The following RBFOX1 variants were observed in gnomAD, a reference collection of about 807,000 sequenced individuals.
RBFOX1 encodes the protein RNA binding fox-1 homolog 1.
Under a neutral mutation model 57.7 loss-of-function variants are expected in RBFOX1, and 8 were observed. The observed-to-expected ratio is 0.14, with a 90% CI of 0.08 to 0.25. The LOEUF is 0.25. RBFOX1 is among the 10% of genes least tolerant of loss of function. The probability of loss-of-function intolerance (pLI) is 1.00; values close to 1 mark genes in which losing one functional copy is unlikely to be tolerated. For synonymous variants in RBFOX1, 326 were observed against 222.4 expected, an observed-to-expected ratio of 1.47 and a Z score of -4.15; for missense variants, 611 against 548.5, an observed-to-expected ratio of 1.11 and a Z score of -1.14.
intron 1 of RBFOX1, among the ~76,000 whole-genome samples, chr16:6,051,222 A>T (rs1266298795): frequency 6.6e-6 from 1 of 151,756 alleles, no homozygotes. Flanking sequence ...ATCTTAAAAG[A>T]GTCTTATCAT....
At chr16:6,566,126 A>G (rs556484932) in intron 2 of RBFOX1, among the ~76,000 whole-genome samples, 1 of 152,330 alleles carries the variant, frequency 6.6e-6, no homozygotes, top group East Asian at 1.9e-4. Flanking sequence ...GTTCAAATTT[A>G]TTAGCTAAAA....
chr16:7,402,051 A>G (rs1402107977), intron 4 of RBFOX1, among the ~76,000 whole-genome samples: 1 of 152,186 alleles, frequency 6.6e-6, no homozygotes, highest in Admixed American at 6.5e-5. Context: ...GTATATTTTA[A>G]TGATGCAGAG....
intron 4 of RBFOX1, among the ~76,000 whole-genome samples, chr16:7,451,411 T>A (rs562123934): frequency 6.6e-6 from 1 of 152,272 alleles, no homozygotes; most frequent in East Asian, 1.9e-4. Context: ...CCTGGCAGGT[T>A]GAGGCAATAG....
intron 4 of RBFOX1, among the ~76,000 whole-genome samples, chr16:7,110,389 G>A (rs540699257): frequency 3.6e-4 from 43 of 119,128 alleles, no homozygotes; most frequent in Middle Eastern, 4.4e-3. Flanking sequence ...CCACTTTACA[G>A]TTGACTACAT....
At chr16:5,240,788 G>A (rs1301129547) in intron 1 of RBFOX1, among the ~76,000 whole-genome samples, 2 of 152,162 alleles carry the variant, frequency 1.3e-5, no homozygotes, top group Non-Finnish European at 2.9e-5. Flanking sequence ...CCGGGCCCGT[G>A]TGCGTGGGAT....
intron 2 of RBFOX1, among the ~76,000 whole-genome samples, chr16:5,473,018 C>T (rs1343385544): frequency 6.6e-6 from 1 of 152,182 alleles, no homozygotes; most frequent in African/African-American, 2.4e-5. Flanking sequence ...TCTGACATTG[C>T]CTCTGCCCCT....
intron 14 of RBFOX1, among the ~76,000 whole-genome samples, chr16:7,706,402 G>A (rs151002640): frequency 1.0e-3 from 159 of 152,280 alleles, no homozygotes; most frequent in African/African-American, 3.8e-3. Flanking sequence ...CTGCCAAATT[G>A]TTACCTTGGG....
At chr16:7,657,680 G>T (rs1403664392) in intron 12 of RBFOX1, among the ~76,000 whole-genome samples, 2 of 152,206 alleles carry the variant, frequency 1.3e-5, no homozygotes, top group Non-Finnish European at 2.9e-5. Flanking sequence ...CCATGCAGCT[G>T]AAGAACATCG....
chr16:7,508,630 C>T (rs190543815), intron 4 of RBFOX1, among the ~76,000 whole-genome samples: 200 of 152,232 alleles, frequency 1.3e-3, no homozygotes, highest in African/African-American at 4.7e-3. Context: ...AACGTAAGGA[C>T]GGGCACAAAT....
chr16:7,261,643 C>G (rs2094924083), intron 4 of RBFOX1, among the ~76,000 whole-genome samples: 1 of 152,182 alleles, frequency 6.6e-6, no homozygotes. Flanking sequence ...TGTAGGCTCT[C>G]TCCACTCACC....
chr16:7,103,704 G>A (rs187545241), intron 4 of RBFOX1, among the ~76,000 whole-genome samples: 19 of 152,204 alleles, frequency 1.2e-4, no homozygotes, highest in South Asian at 4.1e-4. Flanking sequence ...AAATAATAAC[G>A]AATATGCCTC....
intron 1 of RBFOX1, among the ~76,000 whole-genome samples, chr16:5,256,620 C>T (rs1448624096): frequency 2.0e-5 from 3 of 152,060 alleles, no homozygotes; most frequent in Non-Finnish European, 4.4e-5. Flanking sequence ...CATACTGGAC[C>T]TCGAAGCTTT....
intron 3 of RBFOX1, among the ~76,000 whole-genome samples, chr16:6,685,442 ATTTTTTT>A (rs71145275): frequency 8.0e-6 from 1 of 125,672 alleles, no homozygotes; most frequent in African/African-American, 2.9e-5. Flanking sequence ...TACCCAGCTA[ATTTTTTT>A]TTTTTTTTTT....
chr16:6,117,248 G>A (rs539458821), intron 1 of RBFOX1, among the ~76,000 whole-genome samples: 1 of 152,032 alleles, frequency 6.6e-6, no homozygotes, highest in African/African-American at 2.4e-5. Context: ...AAATTCCTAG[G>A]AATTTGTGGA....
intron 3 of RBFOX1, among the ~76,000 whole-genome samples, chr16:6,955,170 C>A (rs892240009): frequency 6.6e-6 from 1 of 151,828 alleles, no homozygotes; most frequent in Non-Finnish European, 1.5e-5. Context: ...GAGCCTGGGA[C>A]TGAGATGTTT....
chr16:5,549,212 G>A (rs2045355977), intron 2 of RBFOX1, among the ~76,000 whole-genome samples: 1 of 152,162 alleles, frequency 6.6e-6, no homozygotes, highest in African/African-American at 2.4e-5. Context: ...TTGAGAAGGA[G>A]CTGAAATGCG....
intron 4 of RBFOX1, among the ~76,000 whole-genome samples, chr16:7,393,454 A>G (rs1332105076): frequency 6.6e-6 from 1 of 152,114 alleles, no homozygotes; most frequent in African/African-American, 2.4e-5. Flanking sequence ...CACTTTTTAT[A>G]TAGTTTCTAT....
At position 7,152,231 on chromosome 16, in the gene RBFOX1, C is replaced by T. The variant is rs187154263; in HGVS notation, c.27+100133C>T. ...TCCAGTCTATACCATGCGTCCATAGCGGTAGCACAAGTAGGCTGTGCATAG... is the reference window on the plus strand; with the variant it reads ...TCCAGTCTATACCATGCGTCCATAGTGGTAGCACAAGTAGGCTGTGCATAG... On this transcript the variant is annotated intron_variant, in intron 4 of 15. Coordinates refer to ENST00000550418, the MANE Select transcript of RBFOX1 (RefSeq NM_018723.4). Among the ~76,000 whole-genome samples, 28 of 152,234 alleles carry T rather than the reference C, an allele frequency of 1.8e-4. 1 individual carries two copies. Among genetic ancestry groups the T allele is most frequent in the East Asian group, 1.4e-3 (7 of 5,176 alleles).
rs185258175 is a variant in RBFOX1, at chr16:5,850,580, T to C, written c.319-16723T>C. 8.5e-3 allele frequency among the ~76,000 whole-genome samples: 1,293 copies of C among 152,308 alleles called. 15 individuals carry two copies. The highest frequency in any genetic ancestry group is 0.029 in the African/African-American group (1,209 of 41,572). ...ACGATGCATTATGACAGCAGACACC[T>C]CTGCATGTTTACTCCCAGAACTATT... On this transcript the variant is annotated intron_variant, in intron 3 of 19. Coordinates refer to the RBFOX1 transcript ENST00000641259.
Sources: gnomAD v4.1 joint callset for allele counts (sites outside exome capture counted in the v4.1 genomes callset) on GRCh38, gnomAD v4.1.1 for gene constraint, MANE v1.5 for transcripts, NCBI Gene and HGNC (gene_info 2026-07-23, HGNC 2026-07-21) for gene names.